CCSER1: variants seen among roughly 807,000 people sequenced by gnomAD.
The protein encoded by CCSER1 is serine-rich coiled-coil domain-containing protein 1.
CCSER1 carries 41 observed loss-of-function variants against 82.0 expected under a neutral mutation model. The ratio of observed to expected loss-of-function variants is 0.50; its 90% CI spans 0.39 to 0.65. The LOEUF (loss-of-function observed/expected upper bound fraction) is 0.65. CCSER1 is among the 30% of genes least tolerant of loss of function. The pLI is 0.00. For synonymous variants in CCSER1, 414 were observed against 383.9 expected, an observed-to-expected ratio of 1.08 and a Z score of -0.92; for missense variants, 1,119 against 1,064.2, an observed-to-expected ratio of 1.05 and a Z score of -0.72.
chr4:90,269,073 G>C (rs992063300), intron 1 of CCSER1, among the ~76,000 whole-genome samples: 2 of 152,028 alleles, frequency 1.3e-5, no homozygotes, highest in African/African-American at 2.4e-5. Flanking sequence ...TAAAGAGAGA[G>C]GTAGATCAAT....
At chr4:90,534,478 TGTG>T (rs1560676100) in intron 5 of CCSER1, among the ~76,000 whole-genome samples, 1 of 148,980 alleles carries the variant, frequency 6.7e-6, no homozygotes, top group African/African-American at 2.4e-5. Context: ...TGTGTGTGTG[TGTG>T]TGTGTGTGAT....
intron 10 of CCSER1, among the ~76,000 whole-genome samples, chr4:91,470,083 A>G (rs574866571): frequency 1.4e-4 from 21 of 152,158 alleles, no homozygotes; most frequent in African/African-American, 4.3e-4. Flanking sequence ...CAAAAAGCCT[A>G]CTTATATAAC....
intron 8 of CCSER1, among the ~76,000 whole-genome samples, chr4:90,910,072 T>G (rs1236272626): frequency 6.6e-6 from 1 of 151,998 alleles, no homozygotes; most frequent in Non-Finnish European, 1.5e-5. Context: ...GAAGGGGAAG[T>G]AAGCACCTTC....
At chr4:90,612,508 A>T in intron 5 of CCSER1, among the ~76,000 whole-genome samples, 1 of 152,360 alleles carries the variant, frequency 6.6e-6, no homozygotes, top group South Asian at 2.1e-4. Context: ...TAGATTTATG[A>T]CATATGCAAC....
At chr4:90,345,199 G>C (rs928454445) in intron 3 of CCSER1, among the ~76,000 whole-genome samples, 1 of 152,084 alleles carries the variant, frequency 6.6e-6, no homozygotes, top group Non-Finnish European at 1.5e-5. Flanking sequence ...AGAAATATGT[G>C]TAGGAATGTA....
intron 10 of CCSER1, among the ~76,000 whole-genome samples, chr4:91,263,038 C>T (rs921416492): frequency 5.9e-5 from 9 of 151,854 alleles, no homozygotes; most frequent in African/African-American, 2.2e-4. Context: ...TTACCTAGCC[C>T]ACGGGAATTT....
At chr4:91,004,718 T>C (rs1316806854) in intron 9 of CCSER1, among the ~76,000 whole-genome samples, 1 of 152,234 alleles carries the variant, frequency 6.6e-6, no homozygotes. Flanking sequence ...AAACCTCTGC[T>C]TATGAAAGCT....
At chr4:91,322,984 T>C (rs540891282) in intron 10 of CCSER1, among the ~76,000 whole-genome samples, 21 of 152,320 alleles carry the variant, frequency 1.4e-4, no homozygotes, top group African/African-American at 4.6e-4. Context: ...TTCTGTTTTC[T>C]CTTTTAAGAT....
At chr4:91,190,478 A>T (rs553926182) in intron 10 of CCSER1, among the ~76,000 whole-genome samples, 1 of 152,334 alleles carries the variant, frequency 6.6e-6, no homozygotes, top group Admixed American at 6.5e-5. Context: ...AAATGCAGAC[A>T]ATCTAAGCCT....
intron 1 of CCSER1, among the ~76,000 whole-genome samples, chr4:90,223,020 C>T (rs1309074594): frequency 2.6e-5 from 4 of 152,140 alleles, no homozygotes; most frequent in Non-Finnish European, 4.4e-5. Flanking sequence ...TATATAGGTT[C>T]ACGCATCCAT....
intron 10 of CCSER1, among the ~76,000 whole-genome samples, chr4:91,493,244 T>C (rs1758645200): frequency 6.6e-6 from 1 of 150,570 alleles, no homozygotes; most frequent in Admixed American, 6.6e-5. Context: ...TCTATATATA[T>C]TAAACATAAT....
intron 4 of CCSER1, among the ~76,000 whole-genome samples, chr4:90,440,578 G>T (rs907261899): frequency 6.6e-6 from 1 of 152,156 alleles, no homozygotes; most frequent in Non-Finnish European, 1.5e-5. Flanking sequence ...GCAGTTGGTG[G>T]GCAAATGTTC....
At chr4:90,350,605 A>G (rs1221809646) in intron 3 of CCSER1, among the ~76,000 whole-genome samples, 6 of 152,192 alleles carry the variant, frequency 3.9e-5, no homozygotes, top group Admixed American at 6.5e-5. Context: ...ACTAATCTAC[A>G]GACATAAATT....
chr4:91,384,361 C>T (rs116299027), intron 10 of CCSER1, among the ~76,000 whole-genome samples: 2,996 of 152,006 alleles, frequency 0.02, 82 homozygotes, highest in African/African-American at 0.067. Context: ...TAAAGAAACA[C>T]ACTGATAAAT....
intron 7 of CCSER1, among the ~76,000 whole-genome samples, chr4:90,748,622 A>G (rs928435616): frequency 6.8e-6 from 1 of 147,724 alleles, no homozygotes; most frequent in Non-Finnish European, 1.5e-5. Flanking sequence ...ACTGACTTCC[A>G]CAATGGTTGA....
chr4:91,367,883 A>T (rs568360898), intron 10 of CCSER1, among the ~76,000 whole-genome samples: 1 of 152,172 alleles, frequency 6.6e-6, no homozygotes, highest in African/African-American at 2.4e-5. Flanking sequence ...TATGTCAGTC[A>T]TTCTCAAGAA....
intron 10 of CCSER1, among the ~76,000 whole-genome samples, chr4:91,548,284 T>G (rs1254334898): frequency 2.0e-5 from 3 of 152,210 alleles, no homozygotes; most frequent in African/African-American, 7.2e-5. Context: ...ATATTCTTTA[T>G]TCCTCCAAAC....
intron 1 of CCSER1, among the ~76,000 whole-genome samples, chr4:90,266,178 A>G (rs1725197258): frequency 6.6e-6 from 1 of 152,168 alleles, no homozygotes; most frequent in Admixed American, 6.6e-5. Flanking sequence ...TCAATACTTC[A>G]GGTTATATGA....
chr4:90,651,941 A>G (rs913095317), intron 6 of CCSER1, among the ~76,000 whole-genome samples: 3 of 152,182 alleles, frequency 2.0e-5, no homozygotes, highest in Admixed American at 2.0e-4. Flanking sequence ...GAGAAATAGC[A>G]TGGACAACTG....
Sources: gnomAD v4.1 joint callset for allele counts (sites outside exome capture counted in the v4.1 genomes callset) on GRCh38, gnomAD v4.1.1 for gene constraint, MANE v1.5 for transcripts, NCBI Gene and HGNC (gene_info 2026-07-23, HGNC 2026-07-21) for gene names.